Variants in RSF1 observed in about 807,000 individuals in gnomAD.
RSF1 encodes the protein HBV pX-associated protein 8.
A neutral mutation model predicts 145.2 loss-of-function variants in RSF1; 13 were observed. That is an observed-to-expected ratio of 0.09 (90% CI 0.06 to 0.14). The LOEUF is 0.14. Ranked by LOEUF, RSF1 falls within the 10% of genes least tolerant of loss-of-function variation. RSF1 has a pLI of 1.00. For synonymous variants in RSF1, 577 were observed against 592.6 expected, an observed-to-expected ratio of 0.97 and a Z score of 0.38; for missense variants, 1,517 against 1,718.2, an observed-to-expected ratio of 0.88 and a Z score of 2.07.
chr11:77,728,491 ATG>A (rs1232165269), intron 4 of RSF1, among the ~76,000 whole-genome samples: 2 of 151,190 alleles, frequency 1.3e-5, no homozygotes, highest in Non-Finnish European at 2.9e-5. Context: ...CCTGACCAAC[ATG>A]GAGAAACAGG....
chr11:77,662,408 A>G lies in RSF1; in HGVS notation c.*4509T>C, dbSNP rs1959251375. ...AGGAGGGTTTGCATGAATGAATACAAAAAGTGGTGAGTGTATACTCTAAAG... is the reference window on the plus strand; with the variant it reads ...AGGAGGGTTTGCATGAATGAATACAGAAAGTGGTGAGTGTATACTCTAAAG... On this transcript the variant is annotated 3_prime_UTR_variant, in exon 16 of 16. Coordinates refer to ENST00000308488, the MANE Select transcript of RSF1 (RefSeq NM_016578.4). 1 of 152,112 alleles carries G rather than the reference A, an allele frequency of 6.6e-6. No individual in the cohort carries two copies. The highest frequency in any genetic ancestry group is 2.1e-4 in the South Asian group (1 of 4,828). 9.4% of individuals were successfully genotyped at this position (152,112 alleles called of 1,614,324 possible).
chr11:77,769,862 C>T (rs1590876518), intron 1 of RSF1, among the ~76,000 whole-genome samples: 1 of 152,110 alleles, frequency 6.6e-6, no homozygotes, highest in Non-Finnish European at 1.5e-5. Context: ...AGCAGAGATA[C>T]AGTTATGGAA....
intron 15 of RSF1, among the ~76,000 whole-genome samples, chr11:77,668,314 C>A (rs1959425709): frequency 6.6e-6 from 1 of 152,202 alleles, no homozygotes; most frequent in South Asian, 2.1e-4. Flanking sequence ...CAGCAGATTT[C>A]TTGGGGGAAG....
At chr11:77,668,447 C>G (rs953442664) in intron 15 of RSF1, among the ~76,000 whole-genome samples, 9 of 152,228 alleles carry the variant, frequency 5.9e-5, no homozygotes, top group East Asian at 1.9e-4. Flanking sequence ...AAACTGGACA[C>G]CCAACTCTGT....
At chr11:77,805,871 C>T (rs1948672339) in intron 1 of RSF1, among the ~76,000 whole-genome samples, 1 of 152,140 alleles carries the variant, frequency 6.6e-6, no homozygotes, top group Non-Finnish European at 1.5e-5. Flanking sequence ...CTGTTTCCCT[C>T]CTCAGTAAAT....
intron 5 of RSF1, among the ~76,000 whole-genome samples, chr11:77,716,099 T>C (rs1307703654): frequency 6.6e-6 from 1 of 150,680 alleles, no homozygotes; most frequent in East Asian, 2.0e-4. Context: ...GTGGTTATTA[T>C]CAAAGACAAG....
the RSF1 span, among the ~76,000 whole-genome samples, chr11:77,854,808 T>A: frequency 1.3e-5 from 2 of 152,224 alleles, no homozygotes; most frequent in Non-Finnish European, 2.9e-5. Flanking sequence ...GGACTCTGTG[T>A]AGGGGCTCCA....
At chr11:77,698,985 C>T (rs1327381534) in intron 6 of RSF1, among the ~76,000 whole-genome samples, 3 of 152,112 alleles carry the variant, frequency 2.0e-5, no homozygotes, top group African/African-American at 4.8e-5. Context: ...CATTACATAA[C>T]TGTTTTTATC....
Position 77,666,803 on chromosome 11 carries a change from T to C in RSF1, c.*114A>G, listed in dbSNP as rs1959372784. ...TCAGGATTTGTTGAAATTTTTCTTCTAAAAGTCATTCTGTAGTGGAGTTTT... is the reference window on the plus strand; with the variant it reads ...TCAGGATTTGTTGAAATTTTTCTTCCAAAAGTCATTCTGTAGTGGAGTTTT... On this transcript the variant is annotated 3_prime_UTR_variant, in exon 16 of 16. Coordinates refer to ENST00000308488, the MANE Select transcript of RSF1 (RefSeq NM_016578.4). 2.4e-6 allele frequency: 2 copies of C among 822,918 alleles called. No homozygotes were observed. The highest frequency in any genetic ancestry group is 3.6e-6 in the Non-Finnish European group (2 of 559,664). 51.0% of individuals were successfully genotyped at this position (822,918 alleles called of 1,614,324 possible). A position where few individuals can be genotyped will look rare whatever the true frequency, so the allele number is the denominator to read the frequency against.
intron 1 of RSF1, among the ~76,000 whole-genome samples, chr11:77,817,478 T>C (rs1454436276): frequency 6.6e-6 from 1 of 152,212 alleles, no homozygotes; most frequent in Non-Finnish European, 1.5e-5. Flanking sequence ...AGGCAGTAGC[T>C]CACCTGGCAA....
intron 2 of RSF1, among the ~76,000 whole-genome samples, chr11:77,758,140 G>GA (rs59962849): frequency 2.3e-3 from 237 of 104,670 alleles, no homozygotes; most frequent in African/African-American, 5.1e-3. Flanking sequence ...AGTCTCAGAA[G>GA]AAAAAAAAAA....
At chr11:77,670,996 A>AC (rs1959508636) in intron 15 of RSF1, among the ~76,000 whole-genome samples, 1 of 146,372 alleles carries the variant, frequency 6.8e-6, no homozygotes, top group African/African-American at 2.5e-5. Flanking sequence ...AATCCTAGCT[A>AC]TTGGGAGGCT....
At chr11:77,842,895 A>G in the RSF1 span, among the ~76,000 whole-genome samples, 4 of 152,340 alleles carry the variant, frequency 2.6e-5, no homozygotes, top group Non-Finnish European at 5.9e-5. Flanking sequence ...CACCTCAGAA[A>G]GGAACCACAT....
At chr11:77,860,043 A>T in the RSF1 span, among the ~76,000 whole-genome samples, 1 of 152,240 alleles carries the variant, frequency 6.6e-6, no homozygotes, top group Non-Finnish European at 1.5e-5. Flanking sequence ...CTTTGCCACT[A>T]CATCAGTTTT....
the RSF1 span, chr11:77,869,005 CT>C: frequency 3.0e-6 from 1 of 335,338 alleles, no homozygotes; most frequent in Non-Finnish European, 5.6e-6. Context: ...ACCGTAGACT[CT>C]TCCAGTTTTG....
the RSF1 span, among the ~76,000 whole-genome samples, chr11:77,832,720 A>G: frequency 6.7e-6 from 1 of 150,262 alleles, no homozygotes; most frequent in Middle Eastern, 3.5e-3. Flanking sequence ...AAGTCCTCCT[A>G]CTCCCCAGTT....
chr11:77,693,807 C>T (rs376655164), intron 7 of RSF1, among the ~76,000 whole-genome samples, 196 bp from the exon 8 acceptor site: 1 of 92,988 alleles, frequency 1.1e-5, no homozygotes, highest in Non-Finnish European at 2.6e-5. Flanking sequence ...ATTTATTTGA[C>T]AGAGTCTCGC....
intron 1 of RSF1, among the ~76,000 whole-genome samples, chr11:77,801,038 C>A (rs931921635): frequency 6.6e-6 from 1 of 152,156 alleles, no homozygotes; most frequent in African/African-American, 2.4e-5. Context: ...TAATTCCAAT[C>A]CTTCTCAAAC....
intron 5 of RSF1, among the ~76,000 whole-genome samples, chr11:77,714,754 A>C (rs1960766464): frequency 6.6e-6 from 1 of 152,070 alleles, no homozygotes; most frequent in Admixed American, 6.5e-5. Context: ...GGGTAGGAGG[A>C]CTGATTGAGC....
Sources: gnomAD v4.1 joint callset for allele counts (sites outside exome capture counted in the v4.1 genomes callset) on GRCh38, gnomAD v4.1.1 for gene constraint, MANE v1.5 for transcripts, NCBI Gene and HGNC (gene_info 2026-07-23, HGNC 2026-07-21) for gene names.